Variants in KCP observed in about 807,000 individuals in gnomAD.
KCP encodes kielin cysteine rich BMP regulator, also known as kielin/chordin-like protein.
In KCP, 194 loss-of-function variants were observed where a neutral mutation model predicts 212.7. The ratio of observed to expected loss-of-function variants is 0.91; its 90% confidence interval spans 0.81 to 1.03. The LOEUF (loss-of-function observed/expected upper bound fraction) is 1.03, where lower values mean the gene tolerates loss of function less well. KCP is among the 50% of genes least tolerant of loss of function. The probability of loss-of-function intolerance (pLI) is 0.00; values close to 1 mark genes in which losing one functional copy is unlikely to be tolerated. For synonymous variants in KCP, 833 were observed against 865.3 expected, an observed-to-expected ratio of 0.96 and a Z score of 0.65; for missense variants, 2,080 against 2,162.5, an observed-to-expected ratio of 0.96 and a Z score of 0.76.
intron 8 of KCP, among the ~76,000 whole-genome samples, chr7:128,899,385 C>G (rs1242886106): frequency 6.6e-6 from 1 of 152,180 alleles, no homozygotes; most frequent in Non-Finnish European, 1.5e-5. Flanking sequence ...AGGACTTCAA[C>G]AGGTGCTCTT....
Position 128,887,216 on chromosome 7 carries a change from T to G in KCP, c.2597A>C (p.Gln866Pro). 1.3e-6 allele frequency: 2 copies of G among 1,551,420 alleles called. No homozygotes were observed. The highest frequency in any genetic ancestry group is 1.7e-6 in the Non-Finnish European group (2 of 1,146,774). Reference protein sequence around the residue: ...LDPTCSLCTCQEGSMRCQKKP... With the variant: ...LDPTCSLCTCPEGSMRCQKKP... ...AAGGTCCTAAAGGGGCTGCCTCACCTGGCAGGTGCAGAGGGAGCAGGTAGG... is the reference window on the plus strand; with the variant it reads ...AAGGTCCTAAAGGGGCTGCCTCACCGGGCAGGTGCAGAGGGAGCAGGTAGG... Residue 866 changes from glutamine to proline, a missense_variant and splice_region_variant, in exon 23 of 40, where the codon CAG becomes CCG. Physicochemically the swap from Gln to Pro is moderately conservative, Grantham distance 76. Transcript: ENST00000610776.
chr7:128,885,055 C>T (rs1201997346), intron 27 of KCP, 42 bp downstream of exon 27: 119 of 1,549,752 alleles, frequency 7.7e-5, no homozygotes, highest in Middle Eastern at 1.7e-4. Flanking sequence ...GGGCCCAGGG[C>T]TCCCTCCTCG....
At chr7:128,891,353 CA>C in intron 18 of KCP, 75 bp from the exon 19 acceptor site, 12 of 1,546,812 alleles carry the variant, frequency 7.8e-6, no homozygotes, top group Non-Finnish European at 1.0e-5. Context: ...CACCCAGTGC[CA>C]CCAGGTCCCA....
chr7:128,879,657 G>A, intron 36 of KCP, 34 bp from the exon 37 acceptor site: 1 of 1,549,170 alleles, frequency 6.5e-7, no homozygotes. Context: ...GAGGGGTGAT[G>A]TCGAGGCACA....
rs1169265551 is a variant in KCP at position 128,891,120 on chromosome 7, G to T, written c.1973-24C>A. ...GGCTGCGGCGAGACAGCGCATCAAA[G>T]GGGCCCAGGAACAGGCCTCCGAGGG... On this transcript the variant is annotated intron_variant, in intron 19 of 39. Coordinates refer to ENST00000610776, the MANE Select transcript of KCP (RefSeq NM_001366122.1). 5 of 1,508,220 alleles carry T rather than the reference G, an allele frequency of 3.3e-6. No individual in the cohort carries two copies. The South Asian group carries it at 6.1e-5, about 19-fold the overall frequency. The allele number at this position is 1,508,220 out of a possible 1,614,324, so 93.4% of individuals were successfully genotyped here. A position where few individuals can be genotyped will look rare whatever the true frequency, so the allele number is the denominator to read the frequency against.
intron 22 of KCP, among the ~76,000 whole-genome samples, chr7:128,888,202 A>G (rs947581046): frequency 2.5e-4 from 38 of 151,804 alleles, no homozygotes; most frequent in African/African-American, 8.9e-4. Flanking sequence ...ACATACACAC[A>G]CAGATACACA....
chr7:128,906,947 T>C (rs1456815878), intron 4 of KCP, among the ~76,000 whole-genome samples, 154 bp downstream of exon 4: 1 of 152,158 alleles, frequency 6.6e-6, no homozygotes, highest in African/African-American at 2.4e-5. Flanking sequence ...TGAGCTCCTT[T>C]TCCTACTCGG....
intron 8 of KCP, among the ~76,000 whole-genome samples, chr7:128,896,956 C>T (rs1226060237): frequency 1.3e-5 from 2 of 150,108 alleles, no homozygotes. Flanking sequence ...AACTTTTGAG[C>T]AATAGGTGGG....
intron 39 of KCP, 56 bp downstream of exon 39, chr7:128,877,428 G>A: frequency 6.5e-7 from 1 of 1,536,248 alleles, no homozygotes. Context: ...CCTCCGGGCT[G>A]CCCTTCTTCT....
chr7:128,886,873 C>G lies in KCP; in HGVS notation c.2689+3G>C. Reference sequence around the variant, plus strand: ...GGGGCCGCGCATGAGGAAGGCAGCTCACTGTGGCAAACAGGGCAGAAGCAG... The same window carrying G: ...GGGGCCGCGCATGAGGAAGGCAGCTGACTGTGGCAAACAGGGCAGAAGCAG... On this transcript the variant is annotated splice_donor_region_variant and intron_variant, in intron 24 of 39. Coordinates refer to ENST00000610776, the MANE Select transcript of KCP (RefSeq NM_001366122.1). The G allele has an allele frequency of 5.3e-6, 8 of 1,513,908 alleles. No individual in the cohort carries two copies. In the South Asian group the frequency reaches 8.5e-5, roughly 16 times the overall value. The allele number at this position is 1,513,908 out of a possible 1,614,324, so 93.8% of individuals were successfully genotyped here. A position where few individuals can be genotyped will look rare whatever the true frequency, so the allele number is the denominator to read the frequency against.
At chr7:128,893,649 C>A (rs1794327146) in intron 11 of KCP, among the ~76,000 whole-genome samples, 157 bp downstream of exon 11, 1 of 152,172 alleles carries the variant, frequency 6.6e-6, no homozygotes, top group Admixed American at 6.5e-5. Context: ...GCGCAGGCCC[C>A]AGCATGGTGC....
rs190139303 is a variant in KCP at position 128,890,535 on chromosome 7, G to A, written c.2165-22C>T. On this transcript the variant is annotated intron_variant, in intron 20 of 39. Transcript: ENST00000610776. ...CAGCCTGGGGAGAAGGGCAGGGGCT[G>A]GGGGGCCGTGGGGACTAGAGGGCTG... The A allele has an allele frequency of 2.7e-3, 4,076 of 1,534,342 alleles. 9 individuals are homozygous for A. The highest frequency in any genetic ancestry group is 3.2e-3 in the Non-Finnish European group (3,670 of 1,141,014).
chr7:128,904,240 G>T, intron 5 of KCP, 102 bp from the exon 6 acceptor site: 1 of 1,537,146 alleles, frequency 6.5e-7, no homozygotes, highest in Non-Finnish European at 8.8e-7. Flanking sequence ...GACCCTTGGG[G>T]TTGAAGGGAT....
Position 128,885,402 on chromosome 7 carries a change from G to C in KCP, c.2867-132C>G. On this transcript the variant is annotated intron_variant, in intron 26 of 39. Transcript: ENST00000610776. ...TTGCAGGGATATGGCGGGAAGGTGC[G>C]ATGGGGCAGAACTCCTGTCTGTTGT... 37 of 874,112 alleles carry C rather than the reference G, an allele frequency of 4.2e-5. 3 individuals are homozygous for C. In the South Asian group the frequency reaches 6.2e-4, roughly 15 times the overall value. 54.1% of individuals were successfully genotyped at this position (874,112 alleles called of 1,614,324 possible). A position where few individuals can be genotyped will look rare whatever the true frequency, so the allele number is the denominator to read the frequency against.
At chr7:128,891,415 C>T (rs898361692) in intron 18 of KCP, 36 bp downstream of exon 18, 14 of 1,547,752 alleles carry the variant, frequency 9.0e-6, no homozygotes, top group Non-Finnish European at 1.2e-5. Flanking sequence ...CCCGCCTCCA[C>T]TCCCCTGGGC....
At chr7:128,908,104 G>GCACTGGCCACTGCACTCCAGCCTGCACT (rs1795215079) in intron 2 of KCP, among the ~76,000 whole-genome samples, 2 of 144,792 alleles carry the variant, frequency 1.4e-5, no homozygotes, top group Non-Finnish European at 3.0e-5. Context: ...ACTCCAGCCT[G>GCACTGGCCACTGCACTCCAGCCTGCACT]GGTGACACAT....
chr7:128,906,802 C>T (rs557903456), intron 4 of KCP, among the ~76,000 whole-genome samples: 1 of 150,270 alleles, frequency 6.7e-6, no homozygotes, highest in Admixed American at 6.6e-5. Flanking sequence ...AAAGTAATTG[C>T]GGTTTTTGCC....
chr7:128,900,648 T>C (rs1794793187), intron 8 of KCP, among the ~76,000 whole-genome samples: 1 of 152,244 alleles, frequency 6.6e-6, no homozygotes, highest in South Asian at 2.1e-4. Flanking sequence ...AAATTAAACT[T>C]TTATTAATCT....
chr7:128,908,292 AAGAAAGAAAG>A, intron 2 of KCP, 124 bp downstream of exon 2: 1 of 644,904 alleles, frequency 1.6e-6, no homozygotes, highest in Non-Finnish European at 2.2e-6. Context: ...GAAAGAAAGA[AAGAAAGAAAG>A]AAAGGGAATT....
Sources: gnomAD v4.1 joint callset for allele counts (sites outside exome capture counted in the v4.1 genomes callset) on GRCh38, gnomAD v4.1.1 for gene constraint, MANE v1.5 for transcripts, NCBI Gene and HGNC (gene_info 2026-07-23, HGNC 2026-07-21) for gene names.